PSTPIP1: variants seen among roughly 807,000 people sequenced by gnomAD.
PSTPIP1 encodes proline-serine-threonine phosphatase-interacting protein 1.
Under a neutral mutation model 69.6 loss-of-function variants are expected in PSTPIP1, and 66 were observed. The observed-to-expected ratio is 0.95, with a 90% CI of 0.78 to 1.16. The LOEUF is 1.16. PSTPIP1 is among the 50% of genes most tolerant of loss of function. PSTPIP1 has a pLI of 0.00. For synonymous variants in PSTPIP1, 266 were observed against 222.7 expected, an observed-to-expected ratio of 1.19 and a Z score of -1.73; for missense variants, 603 against 557.4, an observed-to-expected ratio of 1.08 and a Z score of -0.82.
At chr15:77,000,460 G>GATATATATATATATATAT (rs1045472754) in intron 1 of PSTPIP1, among the ~76,000 whole-genome samples, 6 of 141,772 alleles carry the variant, frequency 4.2e-5, no homozygotes, top group African/African-American at 1.6e-4. Context: ...TTTAAAGAGA[G>GATATATATATATATATAT]ATATATATAT....
chr15:77,022,402 C>T (rs368144245), intron 3 of PSTPIP1, among the ~76,000 whole-genome samples: 11 of 152,194 alleles, frequency 7.2e-5, no homozygotes, highest in East Asian at 1.9e-4. Flanking sequence ...TCCTGAGAGC[C>T]GAGTCAAAAA....
At chr15:77,030,790 A>G (rs1473293837) in intron 9 of PSTPIP1, among the ~76,000 whole-genome samples, 1 of 152,166 alleles carries the variant, frequency 6.6e-6, no homozygotes, top group Non-Finnish European at 1.5e-5. Flanking sequence ...CCTTCGTTGC[A>G]GGCAGGCATT....
chr15:77,028,669 G>T lies in PSTPIP1; in HGVS notation c.516+17G>T. 6.5e-7 allele frequency: 1 copy of T among 1,536,334 alleles called. No individual in the cohort carries two copies. The highest frequency in any genetic ancestry group is 1.2e-5 in the South Asian group (1 of 82,918). On this transcript the variant is annotated intron_variant, in intron 7 of 14. Coordinates refer to ENST00000558012, the MANE Select transcript of PSTPIP1 (RefSeq NM_003978.5). ...GTGGAGAAGGTGCGCTGGGCTGCTG[G>T]GCCGTGTGGGTCGCCCAGGGCTGGG...
chr15:77,028,000 G>A lies in PSTPIP1; in HGVS notation c.417+86G>A. The A allele has an allele frequency of 1.6e-6, 2 of 1,266,934 alleles. No homozygotes were observed. Among genetic ancestry groups the A allele is most frequent in the South Asian group, 2.6e-5 (2 of 77,484 alleles). 78.5% of individuals were successfully genotyped at this position (1,266,934 alleles called of 1,614,324 possible). A position where few individuals can be genotyped will look rare whatever the true frequency, so the allele number is the denominator to read the frequency against. On this transcript the variant is annotated intron_variant, in intron 6 of 14. Coordinates refer to ENST00000558012, the MANE Select transcript of PSTPIP1 (RefSeq NM_003978.5). The surrounding 1 kb of genome is among the most constrained non-coding windows in gnomAD (Gnocchi z 4.3). ...CGATCCTGGGCTGTGGCCCCGGGCAGGGCATTTGGAACAGGCTGACCTCAG... is the reference window on the plus strand; with the variant it reads ...CGATCCTGGGCTGTGGCCCCGGGCAAGGCATTTGGAACAGGCTGACCTCAG...
chr15:77,022,390 C>G (rs553652664), intron 3 of PSTPIP1, among the ~76,000 whole-genome samples: 5 of 152,328 alleles, frequency 3.3e-5, no homozygotes, highest in African/African-American at 1.2e-4. Flanking sequence ...TCAGACTGAG[C>G]TTCCTGAGAG....
rs2076552984 is a variant in PSTPIP1 at position 77,035,821 on chromosome 15, C to T, written c.1005C>T (p.Thr335=). 1 of 1,609,202 alleles carries T rather than the reference C, an allele frequency of 6.2e-7. No homozygotes were observed. The highest frequency in any genetic ancestry group is 8.5e-7 in the Non-Finnish European group (1 of 1,179,562). ...AASAASTETL[T]PTPERNEGVY... ...TCTTAGCGTCCACAGAGACCCTGACCCCCACCCCCGAGCGGAATGAGGGTG... is the reference window on the plus strand; with the variant it reads ...TCTTAGCGTCCACAGAGACCCTGACTCCCACCCCCGAGCGGAATGAGGGTG... The change falls in exon 14 of 15, where the codon ACC becomes ACT. Residue 335 remains threonine (T), a synonymous_variant. Transcript: ENST00000558012.
rs755268431 is a variant in PSTPIP1 at position 77,018,444 on chromosome 15, C to CT, written c.138-5dup. On this transcript the variant is annotated splice_polypyrimidine_tract_variant and intron_variant, in intron 2 of 14. Transcript: ENST00000558012. ...AGTCACTGATGATCTTTCAAATGCC[C>CT]TTTTTTTTGCAGGGCCCAGGCGGAG... 5.3e-5 allele frequency: 83 copies of CT among 1,566,562 alleles called. 1 individual carries two copies. In the Middle Eastern group the frequency reaches 8.3e-4, roughly 16 times the overall value.
At position 77,004,579 on chromosome 15, in the gene PSTPIP1, C is replaced by T. The variant is rs188278080; in HGVS notation, c.36+8970C>T. Among the ~76,000 whole-genome samples the T allele has an allele frequency of 3.0e-3, 461 of 151,804 alleles. 2 individuals are homozygous for T. Among genetic ancestry groups the T allele is most frequent in the Non-Finnish European group, 3.8e-3 (259 of 67,952 alleles). ...GGTAAGAAATAGAACAGTGGCCAGG[C>T]GTGGTGGCTCACACCTGTAATCCCA... On this transcript the variant is annotated intron_variant, in intron 1 of 14. Transcript: ENST00000558012.
chr15:77,027,998 C>G lies in PSTPIP1; in HGVS notation c.417+84C>G. On this transcript the variant is annotated intron_variant, in intron 6 of 14. Transcript: ENST00000558012. The surrounding 1 kb of genome is among the most constrained non-coding windows in gnomAD (Gnocchi z 4.3). ...TGCGATCCTGGGCTGTGGCCCCGGG[C>G]AGGGCATTTGGAACAGGCTGACCTC... 7.8e-7 allele frequency: 1 copy of G among 1,274,940 alleles called. No individual in the cohort carries two copies. The highest frequency in any genetic ancestry group is 1.5e-5 in the African/African-American group (1 of 67,386). 79.0% of individuals were successfully genotyped at this position (1,274,940 alleles called of 1,614,324 possible).
intron 5 of PSTPIP1, 90 bp downstream of exon 5, chr15:77,025,694 G>A (rs2152684078): frequency 1.2e-6 from 1 of 842,654 alleles, no homozygotes; most frequent in Admixed American, 2.3e-5. Context: ...TCCTGGTAGA[G>A]CCAGTGGAGG....
At chr15:77,008,461 G>A (rs1186085099) in intron 1 of PSTPIP1, among the ~76,000 whole-genome samples, 1 of 152,184 alleles carries the variant, frequency 6.6e-6, no homozygotes, top group Non-Finnish European at 1.5e-5. Context: ...CCAGGCTGGA[G>A]TGCAGTGGCA....
In PSTPIP1 at chr15:77,021,848, C is replaced by A. The variant is rs1055726982; in HGVS notation, c.212+3317C>A. Among the ~76,000 whole-genome samples the A allele has an allele frequency of 2.1e-4, 32 of 152,198 alleles. 1 individual carries two copies. The highest frequency in any genetic ancestry group is 7.3e-5 in the Non-Finnish European group (5 of 68,032). ...GTCCCACCCATCCCTCAAGGCCTGC[C>A]TGAAATGTCACCTCCCTCAGAAAGC... On this transcript the variant is annotated intron_variant, in intron 3 of 14. Coordinates refer to ENST00000558012, the MANE Select transcript of PSTPIP1 (RefSeq NM_003978.5).
At chr15:77,018,388 C>T (rs2076093709) in intron 2 of PSTPIP1, 69 bp from the exon 3 acceptor site, 2 of 1,545,234 alleles carry the variant, frequency 1.3e-6, no homozygotes, top group Non-Finnish European at 1.8e-6. Context: ...TTCTGTGTTC[C>T]CTCAAACCTG....
At chr15:77,005,947 T>C (rs1301568226) in intron 1 of PSTPIP1, among the ~76,000 whole-genome samples, 1 of 152,242 alleles carries the variant, frequency 6.6e-6, no homozygotes, top group Non-Finnish European at 1.5e-5. Context: ...CCATGAACAT[T>C]GGTGTACAAG....
chr15:77,015,910 G>A lies in PSTPIP1; in HGVS notation c.37-2238G>A, dbSNP rs187207524. The A allele has an allele frequency of 1.4e-3, 624 of 455,728 alleles. 6 individuals carry two copies. Among genetic ancestry groups the A allele is most frequent in the African/African-American group, 0.011 (551 of 50,192 alleles). The allele number at this position is 455,728 out of a possible 1,614,324, so 28.2% of individuals were successfully genotyped here. ...GAGCGGGGGACTGGGCGGGATCCTG[G>A]AGCCTGCAGCCTCTGGGGACTTGAG... On this transcript the variant is annotated intron_variant, in intron 1 of 14. Transcript: ENST00000558012.
chr15:77,020,209 AG>A (rs1306013830), intron 3 of PSTPIP1, among the ~76,000 whole-genome samples: 1 of 152,150 alleles, frequency 6.6e-6, no homozygotes, highest in Non-Finnish European at 1.5e-5. Context: ...AGAACTAGGA[AG>A]GGGCCAGGTG....
chr15:77,035,697 AGAAG>A (rs1376843957), intron 13 of PSTPIP1, 101 bp from the exon 14 acceptor site: 3 of 1,482,900 alleles, frequency 2.0e-6, no homozygotes, highest in African/African-American at 1.4e-5. Context: ...TGTGGACAGC[AGAAG>A]GAAGAGGCAG....
chr15:77,026,428 A>G (rs1407681083), intron 5 of PSTPIP1, among the ~76,000 whole-genome samples: 1 of 152,192 alleles, frequency 6.6e-6, no homozygotes, highest in Non-Finnish European at 1.5e-5. Flanking sequence ...GAAAATGAAA[A>G]GTCACAACTG....
chr15:77,002,364 A>G (rs1036202746), intron 1 of PSTPIP1, among the ~76,000 whole-genome samples: 3 of 152,260 alleles, frequency 2.0e-5, no homozygotes, highest in African/African-American at 7.2e-5. Flanking sequence ...ACTGGTGTCT[A>G]TGGATTTGGA....
Sources: allele counts gnomAD v4.1 joint callset (sites outside exome capture counted in the v4.1 genomes callset), GRCh38; gene constraint gnomAD v4.1.1; non-coding constraint Gnocchi (gnomAD v3.1); transcripts MANE v1.5; gene names NCBI Gene and HGNC (gene_info 2026-07-23, HGNC 2026-07-21).